The following AR variants were observed in gnomAD, a reference collection of about 807,000 sequenced individuals.
The protein encoded by AR is dihydrotestosterone receptor.
A neutral mutation model predicts 53.9 loss-of-function variants in AR; 8 were observed. The observed-to-expected ratio is 0.15, with a 90% CI of 0.09 to 0.27. The LOEUF is 0.27. AR is among the 10% of genes least tolerant of loss of function. The probability of loss-of-function intolerance (pLI) is 1.00; values close to 1 mark genes in which losing one functional copy is unlikely to be tolerated. For missense variants in AR, 639 were observed against 742.5 expected, an observed-to-expected ratio of 0.86 and a Z score of 1.62; for synonymous variants, 359 against 316.4, an observed-to-expected ratio of 1.13 and a Z score of -1.43.
At chrX:67,637,586 A>C (rs1364358173) in intron 1 of AR, among the ~76,000 whole-genome samples, 1 of 108,768 alleles carries the variant, frequency 9.2e-6, no homozygotes, top group South Asian at 4.2e-4. Flanking sequence ...ATTGTTGGAC[A>C]TTTGGGTTGG....
At chrX:67,582,071 A>G (rs960168781) in intron 1 of AR, among the ~76,000 whole-genome samples, 2 of 112,012 alleles carry the variant, frequency 1.8e-5, no homozygotes, top group Non-Finnish European at 3.8e-5. Context: ...GTCAGTGGCA[A>G]GATCAGATTC....
rs2147524035 is a variant in AR, at chrX:67,711,395, C to T, written c.1886-7C>T. On this transcript the variant is annotated splice_region_variant and splice_polypyrimidine_tract_variant and intron_variant, in intron 3 of 7. Coordinates refer to ENST00000374690, the MANE Select transcript of AR (RefSeq NM_000044.6). ...GATAAATTCAAGTCTCTCTTCCTTC[C>T]CAATAGCCCGGAAGCTGAAGAAACT... is the stretch of plus-strand genomic sequence containing the variant. 1 of 1,184,219 alleles carries T rather than the reference C, an allele frequency of 8.4e-7. No individual in the cohort carries two copies. The highest frequency in any genetic ancestry group is 1.1e-6 in the Non-Finnish European group (1 of 880,851).
chrX:67,576,448 A>AAG (rs905480036), intron 1 of AR, among the ~76,000 whole-genome samples: 6 of 110,085 alleles, frequency 5.5e-5, no homozygotes, highest in East Asian at 2.8e-4. Flanking sequence ...GACAAAAAAA[A>AAG]AGAGAGAGAG....
intron 3 of AR, among the ~76,000 whole-genome samples, chrX:67,704,998 G>T (rs1457894644): frequency 1.8e-5 from 2 of 111,738 alleles, no homozygotes; most frequent in African/African-American, 3.3e-5. Flanking sequence ...CTGTTCCATT[G>T]ATCTATATCT....
intron 2 of AR, among the ~76,000 whole-genome samples, chrX:67,682,034 A>G (rs1272013014): frequency 8.9e-6 from 1 of 111,912 alleles, no homozygotes; most frequent in Non-Finnish European, 1.9e-5. Flanking sequence ...TCATTTTATG[A>G]TAAAATCTTT....
At chrX:67,690,075 T>C (rs962832161) in intron 3 of AR, among the ~76,000 whole-genome samples, 1 of 111,769 alleles carries the variant, frequency 8.9e-6, no homozygotes, top group African/African-American at 3.3e-5. Flanking sequence ...CTTCCTCTCC[T>C]GGACCATGGA....
At chrX:67,563,098 C>A (rs189796472) in intron 1 of AR, among the ~76,000 whole-genome samples, 1 of 111,790 alleles carries the variant, frequency 8.9e-6, no homozygotes, top group African/African-American at 3.3e-5. Flanking sequence ...TTTACAGTCA[C>A]TTTTTAACAA....
intron 2 of AR, among the ~76,000 whole-genome samples, chrX:67,663,320 G>T (rs1012828126): frequency 3.8e-4 from 43 of 112,019 alleles, no homozygotes; most frequent in Non-Finnish European, 6.6e-4. Flanking sequence ...TGCAGGCCTG[G>T]TGGTGACAAA....
chrX:67,591,213 G>A (rs1309512409), intron 1 of AR, among the ~76,000 whole-genome samples: 1 of 111,291 alleles, frequency 9.0e-6, no homozygotes, highest in Admixed American at 9.6e-5. Flanking sequence ...AAAGCGACCT[G>A]TCAACTTGTT....
chrX:67,642,352 G>A (rs931506015), intron 1 of AR, among the ~76,000 whole-genome samples: 3 of 111,717 alleles, frequency 2.7e-5, no homozygotes, highest in Non-Finnish European at 3.8e-5. Context: ...ATAGGAGACT[G>A]AGAATTAACC....
chrX:67,670,991 C>T (rs1292587790), intron 2 of AR, among the ~76,000 whole-genome samples: 1 of 111,890 alleles, frequency 8.9e-6, no homozygotes, highest in African/African-American at 3.2e-5. Flanking sequence ...TTTTCTTTAT[C>T]CAGTATATCA....
chrX:67,564,375 C>T (rs1180660969), intron 1 of AR, among the ~76,000 whole-genome samples: 1 of 111,416 alleles, frequency 9.0e-6, no homozygotes, highest in Admixed American at 9.5e-5. Flanking sequence ...AGAGCATCTA[C>T]TAAGCCTTCT....
intron 2 of AR, among the ~76,000 whole-genome samples, chrX:67,671,973 C>A (rs2075868245): frequency 9.0e-6 from 1 of 111,215 alleles, no homozygotes; most frequent in Admixed American, 9.6e-5. Context: ...GTTTTGGTAC[C>A]AGTACCATGC....
intron 2 of AR, among the ~76,000 whole-genome samples, chrX:67,654,213 T>A (rs1352930175): frequency 9.0e-6 from 1 of 111,628 alleles, no homozygotes; most frequent in Non-Finnish European, 1.9e-5. Flanking sequence ...GTAATAAAGC[T>A]ACTGGTACTC....
chrX:67,706,535 T>C (rs2076068635), intron 3 of AR, among the ~76,000 whole-genome samples: 1 of 111,640 alleles, frequency 9.0e-6, no homozygotes, highest in South Asian at 3.8e-4. Flanking sequence ...GATTTTTCTC[T>C]CTTTTCTTCT....
At chrX:67,629,042 T>A (rs1428876339) in intron 1 of AR, among the ~76,000 whole-genome samples, 1 of 111,840 alleles carries the variant, frequency 8.9e-6, no homozygotes, top group Admixed American at 9.5e-5. Flanking sequence ...CGTTTGCCAG[T>A]ATTTTATTGA....
At chrX:67,709,673 G>A (rs1308219312) in intron 3 of AR, among the ~76,000 whole-genome samples, 4 of 112,166 alleles carry the variant, frequency 3.6e-5, no homozygotes, top group Non-Finnish European at 7.5e-5. Context: ...ACAAGCCCCA[G>A]TGAGATGAAC....
At position 67,544,882 on chromosome X, in the gene AR, A is replaced by C. The variant is rs1929628327; in HGVS notation, c.-265A>C. The C allele has an allele frequency of 3.4e-6, 1 of 293,754 alleles. No homozygotes were observed. Among genetic ancestry groups the C allele is most frequent in the Non-Finnish European group, 5.9e-6 (1 of 169,830 alleles). 24.2% of individuals were successfully genotyped at this position (293,754 alleles called of 1,213,427 possible). ...CTTTTAAGATCTGGGCATCTTTTGA[A>C]TCTACCCTTCAAGTATTAAGAGACA... On this transcript the variant is annotated 5_prime_UTR_variant, in exon 1 of 8. Coordinates refer to ENST00000374690, the MANE Select transcript of AR (RefSeq NM_000044.6).
chrX:67,649,541 T>G (rs1015636564), intron 2 of AR, among the ~76,000 whole-genome samples: 9 of 112,120 alleles, frequency 8.0e-5, no homozygotes, highest in Non-Finnish European at 1.7e-4. Context: ...CATCTGTTGT[T>G]TCCTGACTTT....
Sources: gnomAD v4.1 joint callset for allele counts (sites outside exome capture counted in the v4.1 genomes callset) on GRCh38, gnomAD v4.1.1 for gene constraint, MANE v1.5 for transcripts, NCBI Gene and HGNC (gene_info 2026-07-23, HGNC 2026-07-21) for gene names.